Variants in DNAH17 observed in about 807,000 individuals in gnomAD.
The protein encoded by DNAH17 is dynein axonemal heavy chain 17.
DNAH17 carries 376 observed loss-of-function variants against 485.6 expected under a neutral mutation model. The ratio of observed to expected loss-of-function variants is 0.77; its 90% CI spans 0.71 to 0.84. DNAH17 has a LOEUF of 0.84. DNAH17 is among the 40% of genes least tolerant of loss of function. DNAH17 has a pLI of 0.00. For missense variants in DNAH17, 6,370 were observed against 5,839.3 expected (o/e 1.09, Z -2.96); for synonymous variants, 3,031 against 2,405.9 (o/e 1.26, Z -7.60).
rs758289985 is a variant in DNAH17 at position 78,566,674 on chromosome 17, C to T, written c.1509G>A (p.Arg503=). 1.2e-6 allele frequency: 2 copies of T among 1,611,074 alleles called. No individual in the cohort carries two copies. The highest frequency in any genetic ancestry group is 2.2e-5 in the East Asian group (1 of 44,854). The change falls in exon 11 of 81, where the codon AGG becomes AGA. Residue 503 remains arginine (R), a synonymous_variant. Coordinates refer to ENST00000389840, the MANE Select transcript of DNAH17 (RefSeq NM_173628.4). ...FEIKIQDLDR[R]LATIFCQGFD... The stretch of plus-strand genomic sequence containing the variant: ...ATCCTTGGCAAAAGATCGTGGCCAG[C>T]CTCCTATCCAGGTCTTGGATTTTGA...
rs773684540 is a variant in DNAH17, at chr17:78,539,742, T to C, written c.2671A>G (p.Ile891Val). 4.3e-6 allele frequency: 7 copies of C among 1,609,500 alleles called. No individual in the cohort carries two copies. Among genetic ancestry groups the C allele is most frequent in the Non-Finnish European group, 5.9e-6 (7 of 1,178,544 alleles). Residue 891 changes from isoleucine to valine, a missense_variant, in exon 18 of 81, where the codon ATA (isoleucine) becomes GTA (valine). Physicochemically the swap from Ile to Val is conservative, Grantham distance 29 (BLOSUM62 3). Coordinates refer to ENST00000389840, the MANE Select transcript of DNAH17 (RefSeq NM_173628.4). ...ACCTTATGTTGATAACTTACATCTA[T>C]AACCATGTTGTCCATTAGGAAACTC... ...SLSFLMDNMV[I>V]DESIAPLFEI...
intron 18 of DNAH17, among the ~76,000 whole-genome samples, chr17:78,538,844 G>A (rs1416149167): frequency 2.0e-5 from 3 of 152,194 alleles, no homozygotes; most frequent in Non-Finnish European, 4.4e-5. Flanking sequence ...ACAAGGGCAC[G>A]ACACTGCCAC....
Position 78,459,888 on chromosome 17 carries a change from G to A in DNAH17, c.9549C>T (p.Ser3183=). Residue 3183 remains serine, a synonymous_variant, in exon 60 of 81, where the codon AGC becomes AGT. Transcript: ENST00000389840. ...APGGKIPKDK[S]WKAAKIMMGK... ...CCATCATGATCTTGGCCGCCTTCCA[G>A]CTCTTGTCCTTGGGGATCTTGCCCC... 1 of 1,614,054 alleles carries A rather than the reference G, an allele frequency of 6.2e-7. No homozygotes were observed. The highest frequency in any genetic ancestry group is 8.5e-7 in the Non-Finnish European group (1 of 1,179,902).
At chr17:78,544,784 G>A (rs1386193043) in intron 16 of DNAH17, among the ~76,000 whole-genome samples, 1 of 88,168 alleles carries the variant, frequency 1.1e-5, no homozygotes, top group Non-Finnish European at 2.2e-5. Flanking sequence ...CTGGGGCACA[G>A]AGCGAGACTC....
chr17:78,458,546 C>G lies in DNAH17; in HGVS notation c.9977+19G>C. 6.2e-7 allele frequency: 1 copy of G among 1,605,188 alleles called. No homozygotes were observed. The highest frequency in any genetic ancestry group is 8.5e-7 in the Non-Finnish European group (1 of 1,172,140). ...GGGGGTCTGAGAGCAGGAGGGTGGT[C>G]TCGGGGAGGAGCTGATACCTGTTCG... On this transcript the variant is annotated intron_variant, in intron 62 of 80. Transcript: ENST00000389840.
chr17:78,544,658 C>T (rs1051710205), intron 16 of DNAH17, among the ~76,000 whole-genome samples: 14 of 151,998 alleles, frequency 9.2e-5, no homozygotes, highest in African/African-American at 2.4e-4. Flanking sequence ...AAAAATTAGC[C>T]GCGCATGGTG....
At chr17:78,518,379 G>A (rs1195904348) in intron 25 of DNAH17, among the ~76,000 whole-genome samples, 2 of 152,124 alleles carry the variant, frequency 1.3e-5, no homozygotes, top group Non-Finnish European at 2.9e-5. Flanking sequence ...CAACCTTAGA[G>A]CAAAGAAAAT....
intron 37 of DNAH17, 124 bp downstream of exon 37, chr17:78,498,884 C>A: frequency 1.4e-6 from 1 of 692,778 alleles, no homozygotes; most frequent in South Asian, 2.4e-5. Flanking sequence ...TGGCACCACA[C>A]CACCCTTCGG....
At chr17:78,473,051 T>C (rs2088838969) in intron 54 of DNAH17, among the ~76,000 whole-genome samples, 1 of 152,194 alleles carries the variant, frequency 6.6e-6, no homozygotes, top group Non-Finnish European at 1.5e-5. Flanking sequence ...TGCCACAGCT[T>C]CCGGGACCTA....
chr17:78,507,336 C>T lies in DNAH17; in HGVS notation c.4618G>A (p.Val1540Met), dbSNP rs201383792. Residue 1540 changes from valine (V) to methionine (M), a missense_variant, in exon 29 of 81, where the codon GTG (valine) becomes ATG (methionine). By Grantham distance (21) the Val-to-Met change is conservative. Coordinates refer to ENST00000389840, the MANE Select transcript of DNAH17 (RefSeq NM_173628.4). Reference sequence around the variant, plus strand: ...CCGGGTTTGCTGGTGGCTTCCACCACGTTGGGTGTTTTCACTGCATCTTCC... The same window carrying T: ...CCGGGTTTGCTGGTGGCTTCCACCATGTTGGGTGTTTTCACTGCATCTTCC... ...LMEDAVKTPN[V>M]VEATSKPGLY... 4.1e-4 allele frequency: 659 copies of T among 1,613,894 alleles called. 5 individuals carry two copies. The highest frequency in any genetic ancestry group is 2.2e-4 in the Admixed American group (13 of 60,006).
chr17:78,433,997 T>C (rs1307261849), intron 75 of DNAH17, 32 bp downstream of exon 75: 1 of 1,248,104 alleles, frequency 8.0e-7, no homozygotes, highest in African/African-American at 1.9e-5. Context: ...GGGAGGGATA[T>C]GTCCAAGTAC....
At chr17:78,538,791 C>G (rs927139811) in intron 18 of DNAH17, among the ~76,000 whole-genome samples, 23 of 152,164 alleles carry the variant, frequency 1.5e-4, no homozygotes, top group Non-Finnish European at 3.2e-4. Flanking sequence ...GCATCTGAGA[C>G]CCATATGCCA....
At position 78,459,818 on chromosome 17, in the gene DNAH17, C is replaced by T; in HGVS notation, c.9619G>A (p.Glu3207Lys). ...FLDSLKKFDK[E>K]HIPEACLKAF... Reference sequence around the variant, plus strand: ...TTCAGGCAGGCCTCAGGGATGTGCTCCTTGTCGAACTTCTTCAGGGAGTCT... The same window carrying T: ...TTCAGGCAGGCCTCAGGGATGTGCTTCTTGTCGAACTTCTTCAGGGAGTCT... The change falls in exon 60 of 81, where the codon GAG becomes AAG. Residue 3207 changes from glutamate (E) to lysine (K), a missense_variant. By Grantham distance (56) the Glu-to-Lys change is moderately conservative (BLOSUM62 1). Coordinates refer to ENST00000389840, the MANE Select transcript of DNAH17 (RefSeq NM_173628.4). 1 of 1,614,048 alleles carries T rather than the reference C, an allele frequency of 6.2e-7. No homozygotes were observed. The highest frequency in any genetic ancestry group is 1.1e-5 in the South Asian group (1 of 91,082).
intron 44 of DNAH17, among the ~76,000 whole-genome samples, chr17:78,486,744 C>A (rs997546764): frequency 6.6e-6 from 1 of 152,158 alleles, no homozygotes; most frequent in African/African-American, 2.4e-5. Context: ...GGGTTGCTAG[C>A]TATGGGGGTG....
At chr17:78,510,721 C>T in intron 26 of DNAH17, 1 of 573,950 alleles carries the variant, frequency 1.7e-6, no homozygotes, top group Non-Finnish European at 3.0e-6. Context: ...CGCATAAGAG[C>T]AGAACGCACC....
chr17:78,441,308 C>G, intron 71 of DNAH17, 109 bp from the exon 72 acceptor site: 1 of 1,246,604 alleles, frequency 8.0e-7, no homozygotes, highest in East Asian at 2.4e-5. Flanking sequence ...GGTGGACTTT[C>G]TTCAGCGGGA....
chr17:78,564,241 C>A (rs532519518), intron 11 of DNAH17, among the ~76,000 whole-genome samples: 1 of 152,188 alleles, frequency 6.6e-6, no homozygotes, highest in Non-Finnish European at 1.5e-5. Context: ...AGCCCAGACC[C>A]GTACGCTGGT....
At chr17:78,570,050 T>G (rs1418014492) in intron 7 of DNAH17, among the ~76,000 whole-genome samples, 197 bp downstream of exon 7, 1 of 152,176 alleles carries the variant, frequency 6.6e-6, no homozygotes, top group African/African-American at 2.4e-5. Flanking sequence ...TTCTTTTCCC[T>G]CAGTACCCTC....
In DNAH17 at chr17:78,498,990, G is replaced by A. The variant is rs569041679; in HGVS notation, c.5745+18C>T. ...AGTCACCCGACGTGACCCCGAGGCCGCAGGCAGGGGACTTTACCTGCACGG... is the reference window on the plus strand; with the variant it reads ...AGTCACCCGACGTGACCCCGAGGCCACAGGCAGGGGACTTTACCTGCACGG... On this transcript the variant is annotated intron_variant, in intron 37 of 80. Transcript: ENST00000389840. The A allele has an allele frequency of 2.3e-5, 36 of 1,582,268 alleles. No homozygotes were observed. Among genetic ancestry groups the A allele is most frequent in the Non-Finnish European group, 2.5e-5 (29 of 1,163,378 alleles).
Sources: gnomAD v4.1 joint callset for allele counts (sites outside exome capture counted in the v4.1 genomes callset) on GRCh38, gnomAD v4.1.1 for gene constraint, MANE v1.5 for transcripts, NCBI Gene and HGNC (gene_info 2026-07-23, HGNC 2026-07-21) for gene names.